The following POP4 variants were observed in gnomAD, a reference collection of about 807,000 sequenced individuals.
The protein encoded by POP4 is ribonuclease P protein subunit p29.
In POP4, 31 loss-of-function variants were observed where a neutral mutation model predicts 29.9. The observed-to-expected ratio is 1.04, with a 90% CI of 0.78 to 1.40. The LOEUF is 1.40. Ranked by LOEUF, POP4 falls within the 40% of genes most tolerant of loss-of-function variation. The pLI is 0.00. For missense variants in POP4, 286 were observed against 282.7 expected (o/e 1.01, Z -0.08); for synonymous variants, 110 against 108.2 (o/e 1.02, Z -0.10).
At chr19:29,611,599 CG>C (rs1971070103) in intron 3 of POP4, 1 of 416,814 alleles carries the variant, frequency 2.4e-6, no homozygotes, top group Non-Finnish European at 4.3e-6. Context: ...ACAAGACTCA[CG>C]TTTATTTCTC....
chr19:29,608,689 G>A lies in POP4; in HGVS notation c.40G>A (p.Ala14Thr). 2 of 1,613,968 alleles carry A rather than the reference G, an allele frequency of 1.2e-6. No homozygotes were observed. The highest frequency in any genetic ancestry group is 1.7e-6 in the Non-Finnish European group (2 of 1,179,920). ...VIYHALSQKE[A>T]NDSDVQPSGA... ...CTACCATGCATTGTCTCAGAAAGAG[G>A]CGAATGACTCCGATGTCCAGGTCAG... The change falls in exon 2 of 7, where the codon GCG becomes ACG. Residue 14 changes from alanine (A) to threonine (T), a missense_variant. Coordinates refer to ENST00000585603, the MANE Select transcript of POP4 (RefSeq NM_006627.3).
intron 1 of POP4, 105 bp downstream of exon 1, chr19:29,606,430 A>G: frequency 6.7e-6 from 9 of 1,343,446 alleles, no homozygotes; most frequent in Non-Finnish European, 8.9e-6. Context: ...CGGAGTCCTA[A>G]CAGAACCGCT....
chr19:29,609,559 A>G (rs2145555923), intron 2 of POP4, among the ~76,000 whole-genome samples: 1 of 152,364 alleles, frequency 6.6e-6, no homozygotes, highest in Admixed American at 6.5e-5. Flanking sequence ...GGGCAGTGGC[A>G]TTGCCACCAA....
chr19:29,610,571 G>C lies in POP4; in HGVS notation c.223G>C (p.Gly75Arg). 9.3e-6 allele frequency: 15 copies of C among 1,614,182 alleles called. No homozygotes were observed. Among genetic ancestry groups the C allele is most frequent in the Non-Finnish European group, 1.3e-5 (15 of 1,180,040 alleles). Residue 75 changes from glycine to arginine, a missense_variant, in exon 3 of 7, where the codon GGC (glycine) becomes CGC (arginine). Physicochemically the swap from Gly to Arg is moderately radical, Grantham distance 125 (BLOSUM62 -2). Coordinates refer to ENST00000585603, the MANE Select transcript of POP4 (RefSeq NM_006627.3). The part of the protein sequence containing the change: ...KRKEKKKKAK[G>R]LSARQRRELR... ...CAAGGAGAAGAAGAAGAAAGCCAAA[G>C]GCCTCTCTGCCAGGCAAAGGAGGGA...
intron 1 of POP4, among the ~76,000 whole-genome samples, chr19:29,608,059 AT>A (rs1447115422): frequency 1.3e-5 from 2 of 152,078 alleles, no homozygotes; most frequent in Admixed American, 6.6e-5. Context: ...GATCCCAGAG[AT>A]TTTTACACAC....
rs762260486 is a variant in POP4, at chr19:29,610,573, C to T, written c.225C>T (p.Gly75=). Residue 75 remains glycine, a synonymous_variant, in exon 3 of 7, where the codon GGC becomes GGT. Coordinates refer to ENST00000585603, the MANE Select transcript of POP4 (RefSeq NM_006627.3). Reference sequence around the variant, plus strand: ...AGGAGAAGAAGAAGAAAGCCAAAGGCCTCTCTGCCAGGCAAAGGAGGGAGC... The same window carrying T: ...AGGAGAAGAAGAAGAAAGCCAAAGGTCTCTCTGCCAGGCAAAGGAGGGAGC... ...KRKEKKKKAK[G]LSARQRRELR... 2 of 1,614,212 alleles carry T rather than the reference C, an allele frequency of 1.2e-6. No individual in the cohort carries two copies. The highest frequency in any genetic ancestry group is 1.3e-5 in the African/African-American group (1 of 75,074).
chr19:29,610,628 C>G lies in POP4; in HGVS notation c.280C>G (p.Gln94Glu). The G allele has an allele frequency of 6.2e-7, 1 of 1,613,434 alleles. No individual in the cohort carries two copies. Among genetic ancestry groups the G allele is most frequent in the Non-Finnish European group, 8.5e-7 (1 of 1,179,852 alleles). Residue 94 changes from glutamine (Q) to glutamate (E), a missense_variant, in exon 3 of 7, where the codon CAG (glutamine) becomes GAG (glutamate). Coordinates refer to ENST00000585603, the MANE Select transcript of POP4 (RefSeq NM_006627.3). ...LRLFDIKPEQ[Q>E]RYSLFLPLHE... is the part of the protein sequence containing the mutation. ...GCTCTTTGACATTAAACCAGAGCAG[C>G]AGAGGTAACCCGAGCTCCCCACGTC...
rs185082531 is a variant in POP4, at chr19:29,608,602, G to T, written c.8-55G>T. ...TATTTTCATAGTTAGAAAAGTCTTG[G>T]GTCTTACAGCCATACCCAACAAGAA... On this transcript the variant is annotated intron_variant, in intron 1 of 6. Transcript: ENST00000585603. 541 of 1,538,280 alleles carry T rather than the reference G, an allele frequency of 3.5e-4. No homozygotes were observed. In the African/African-American group the frequency reaches 6.7e-3, roughly 19 times the overall value.
intron 5 of POP4, among the ~76,000 whole-genome samples, 166 bp downstream of exon 5, chr19:29,612,344 C>T (rs1251730447): frequency 6.6e-6 from 1 of 152,114 alleles, no homozygotes. Flanking sequence ...AGATGCTTCT[C>T]GCTGGCTGTC....
Position 29,615,478 on chromosome 19 carries a change from T to G in POP4, c.*98T>G. Reference sequence around the variant, plus strand: ...GAAGAGATAGTTAAGCCAATTCCATTTATAGACCACCTCCAGCCAGTGACG... The same window carrying G: ...GAAGAGATAGTTAAGCCAATTCCATGTATAGACCACCTCCAGCCAGTGACG... On this transcript the variant is annotated 3_prime_UTR_variant, in exon 7 of 7. Transcript: ENST00000585603. The G allele has an allele frequency of 7.3e-7, 1 of 1,364,130 alleles. No homozygotes were observed. Among genetic ancestry groups the G allele is most frequent in the South Asian group, 1.4e-5 (1 of 71,842 alleles). 84.5% of individuals were successfully genotyped at this position (1,364,130 alleles called of 1,614,324 possible). A position where few individuals can be genotyped will look rare whatever the true frequency, so the allele number is the denominator to read the frequency against.
At chr19:29,612,245 CA>C (rs903966747) in intron 5 of POP4, 67 bp downstream of exon 5, 5 of 1,455,382 alleles carry the variant, frequency 3.4e-6, no homozygotes, top group Non-Finnish European at 4.7e-6. Flanking sequence ...TGTGGAGACC[CA>C]GGGCGTGTGT....
intron 5 of POP4, among the ~76,000 whole-genome samples, chr19:29,612,541 C>T (rs1005866509): frequency 1.1e-4 from 17 of 152,128 alleles, no homozygotes; most frequent in African/African-American, 4.1e-4. Flanking sequence ...ACCTGACAGC[C>T]CCCAAGGTGA....
At chr19:29,608,227 TGTAG>T (rs1971023178) in intron 1 of POP4, among the ~76,000 whole-genome samples, 2 of 49,938 alleles carry the variant, frequency 4.0e-5, no homozygotes, top group African/African-American at 7.9e-5. Context: ...CTGCTATAAG[TGTAG>T]AAGTGTAGTT....
In POP4 at chr19:29,606,445, G is replaced by T. The variant is rs550544116; in HGVS notation, c.7+120G>T. ...CGGAGTCCTAACAGAACCGCTACAGGAATGGGCCCACCCTACCTAAGAAAA... is the reference window on the plus strand; with the variant it reads ...CGGAGTCCTAACAGAACCGCTACAGTAATGGGCCCACCCTACCTAAGAAAA... On this transcript the variant is annotated intron_variant, in intron 1 of 6. Transcript: ENST00000585603. 5.6e-5 allele frequency: 67 copies of T among 1,202,494 alleles called. No homozygotes were observed. In the African/African-American group the frequency reaches 6.9e-4, roughly 12 times the overall value. The allele number at this position is 1,202,494 out of a possible 1,614,324, so 74.5% of individuals were successfully genotyped here.
At chr19:29,608,518 C>A (rs1247467156) in intron 1 of POP4, 139 bp from the exon 2 acceptor site, 13 of 769,722 alleles carry the variant, frequency 1.7e-5, no homozygotes, top group Non-Finnish European at 2.6e-5. Flanking sequence ...GATCCGCCCG[C>A]CTTGGCCTCC....
chr19:29,610,377 A>T (rs1488951008), intron 2 of POP4, 32 bp from the exon 3 acceptor site: 1 of 1,523,014 alleles, frequency 6.6e-7, no homozygotes, highest in South Asian at 1.2e-5. Flanking sequence ...AGACCGGAGC[A>T]GTGAGCGCCG....
At position 29,615,540 on chromosome 19, in the gene POP4, G is replaced by A; in HGVS notation, c.*160G>A. The A allele has an allele frequency of 1.3e-5, 9 of 696,644 alleles. No individual in the cohort carries two copies. In the Middle Eastern group the frequency reaches 1.6e-3, roughly 122 times the overall value. 43.2% of individuals were successfully genotyped at this position (696,644 alleles called of 1,614,324 possible). The stretch of plus-strand genomic sequence containing the variant: ...GGATGTTGAACAACATGGGAAGGTC[G>A]CAGCGTACTAAGTGAAGAAGTCAGA... On this transcript the variant is annotated 3_prime_UTR_variant, in exon 7 of 7. Transcript: ENST00000585603.
intron 6 of POP4, among the ~76,000 whole-genome samples, chr19:29,614,468 A>C (rs147319423): frequency 4.0e-5 from 6 of 151,850 alleles, no homozygotes; most frequent in African/African-American, 1.2e-4. Context: ...AAATCCAGAG[A>C]TATCAAACCA....
chr19:29,607,045 A>C (rs1971006206), intron 1 of POP4, among the ~76,000 whole-genome samples: 1 of 152,214 alleles, frequency 6.6e-6, no homozygotes, highest in African/African-American at 2.4e-5. Context: ...AGGCCCCGCA[A>C]GTTGCTCTCT....
Sources: allele counts gnomAD v4.1 joint callset (sites outside exome capture counted in the v4.1 genomes callset), GRCh38; gene constraint gnomAD v4.1.1; transcripts MANE v1.5; gene names NCBI Gene and HGNC (gene_info 2026-07-23, HGNC 2026-07-21).